TENM2: variants seen among roughly 807,000 people sequenced by gnomAD.
The protein encoded by TENM2 is teneurin-2.
A neutral mutation model predicts 245.2 loss-of-function variants in TENM2; 52 were observed. The observed-to-expected ratio is 0.21, with a 90% CI of 0.17 to 0.27. TENM2 has a LOEUF of 0.27. TENM2 is among the 10% of genes least tolerant of loss of function. The pLI is 1.00. For synonymous variants in TENM2, 1,363 were observed against 1,438.9 expected (o/e 0.95, Z 1.19); for missense variants, 3,046 against 3,666.8 (o/e 0.83, Z 4.37).
chr5:167,986,702 C>G (rs934690105), intron 4 of TENM2, among the ~76,000 whole-genome samples: 1 of 152,146 alleles, frequency 6.6e-6, no homozygotes, highest in East Asian at 1.9e-4. Flanking sequence ...CCTGGAGTCC[C>G]GAGCTGAGCT....
At chr5:167,802,132 C>G (rs1470997082) in intron 2 of TENM2, among the ~76,000 whole-genome samples, 1 of 152,028 alleles carries the variant, frequency 6.6e-6, no homozygotes, top group Non-Finnish European at 1.5e-5. Context: ...AGTCATTAAT[C>G]CATTCATGAG....
intron 8 of TENM2, among the ~76,000 whole-genome samples, chr5:168,097,519 G>A (rs529285016): frequency 2.0e-5 from 3 of 152,230 alleles, no homozygotes; most frequent in East Asian, 3.9e-4. Flanking sequence ...CTGCCTCCTG[G>A]GTTCAAGCTA....
At chr5:167,336,635 CA>C (rs1436728009) in intron 1 of TENM2, among the ~76,000 whole-genome samples, 1 of 151,928 alleles carries the variant, frequency 6.6e-6, no homozygotes, top group African/African-American at 2.4e-5. Context: ...ACTTAAATGC[CA>C]GCATATCAAA....
intron 17 of TENM2, among the ~76,000 whole-genome samples, chr5:168,202,808 A>G (rs1762041324): frequency 1.3e-5 from 2 of 152,102 alleles, no homozygotes. Context: ...GGTGACACAC[A>G]TAGTTAAGAG....
At chr5:167,735,432 A>C (rs549764406) in intron 2 of TENM2, among the ~76,000 whole-genome samples, 1 of 152,358 alleles carries the variant, frequency 6.6e-6, no homozygotes, top group East Asian at 1.9e-4. Context: ...AATAAATGTA[A>C]TTTGGTAAAC....
At chr5:167,654,072 G>A (rs528241097) in intron 2 of TENM2, 2 of 151,980 alleles carry the variant, frequency 1.3e-5, no homozygotes, top group East Asian at 1.9e-4. Flanking sequence ...TTCTGAGAGA[G>A]AAAACAAATA....
At chr5:167,980,085 C>T (rs972318981) in intron 4 of TENM2, among the ~76,000 whole-genome samples, 1 of 152,132 alleles carries the variant, frequency 6.6e-6, no homozygotes, top group African/African-American at 2.4e-5. Flanking sequence ...GGGCATTCTT[C>T]CAGGGGCTGG....
intron 2 of TENM2, among the ~76,000 whole-genome samples, chr5:167,447,693 C>A (rs146382998): frequency 6.6e-6 from 1 of 152,334 alleles, no homozygotes; most frequent in Non-Finnish European, 1.5e-5. Context: ...CCAAATGCTT[C>A]ATTTGAAGGT....
At chr5:167,468,216 C>T (rs890101250) in intron 2 of TENM2, among the ~76,000 whole-genome samples, 4 of 152,252 alleles carry the variant, frequency 2.6e-5, no homozygotes, top group South Asian at 2.1e-4. Context: ...GGATTACAGG[C>T]GTGAGCCACC....
intron 2 of TENM2, among the ~76,000 whole-genome samples, chr5:167,805,568 C>G (rs1362436507): frequency 6.6e-6 from 1 of 152,140 alleles, no homozygotes; most frequent in East Asian, 1.9e-4. Context: ...TGTAGCTTCC[C>G]TGAGGTCAAC....
intron 9 of TENM2, among the ~76,000 whole-genome samples, chr5:168,115,359 G>GGGAAGGAA (rs55973990): frequency 0.069 from 4,911 of 71,494 alleles, 260 homozygotes; most frequent in Middle Eastern, 0.11. Flanking sequence ...AGGGAAGGAA[G>GGGAAGGAA]GGAAGGAAGG....
At chr5:167,929,069 GAAAGAAAGAAAGAA>G in intron 3 of TENM2, among the ~76,000 whole-genome samples, 1 of 18,836 alleles carries the variant, frequency 5.3e-5, no homozygotes, top group Non-Finnish European at 9.6e-5. Context: ...GAGAAAGAAA[GAAAGAAAGAAAGAA>G]AGAAAGAAAG....
At chr5:168,190,788 C>T (rs2152510559) in intron 14 of TENM2, 2 of 380,626 alleles carry the variant, frequency 5.3e-6, no homozygotes, top group South Asian at 7.3e-5. Flanking sequence ...GCTGGAGACA[C>T]CTGTTGATTC....
intron 3 of TENM2, chr5:167,934,851 G>A (rs1778571519): frequency 2.0e-6 from 2 of 985,544 alleles, no homozygotes; most frequent in Non-Finnish European, 2.4e-6. Context: ...CCAGTGCAAC[G>A]GAGGAGGCTT....
intron 3 of TENM2, among the ~76,000 whole-genome samples, chr5:167,894,991 A>AAGGG (rs1775092106): frequency 9.6e-6 from 1 of 104,066 alleles, no homozygotes; most frequent in Non-Finnish European, 1.8e-5. Flanking sequence ...GGAAGGAAGG[A>AAGGG]GGGAAGGAAG....
At chr5:168,113,043 G>T (rs1023464177) in intron 9 of TENM2, among the ~76,000 whole-genome samples, 13 of 152,204 alleles carry the variant, frequency 8.5e-5, no homozygotes, top group Non-Finnish European at 1.5e-4. Context: ...TCAGCTGGGT[G>T]TAGTGGCTCA....
chr5:166,986,904 AGAG>A, the TENM2 span, among the ~76,000 whole-genome samples: 1 of 87,466 alleles, frequency 1.1e-5, no homozygotes, highest in Non-Finnish European at 2.6e-5. Context: ...AGAAAATATT[AGAG>A]AAGAGCATTT....
intron 2 of TENM2, among the ~76,000 whole-genome samples, chr5:167,629,553 A>T (rs889941050): frequency 9.2e-5 from 14 of 152,282 alleles, no homozygotes; most frequent in Non-Finnish European, 1.8e-4. Context: ...TTCATAGAAA[A>T]TCCAGGACTG....
At chr5:167,042,840 G>T in the TENM2 span, among the ~76,000 whole-genome samples, 1 of 152,092 alleles carries the variant, frequency 6.6e-6, no homozygotes. Flanking sequence ...CCTTATTTTT[G>T]AATGTTAGCC....
Sources: allele counts gnomAD v4.1 joint callset (sites outside exome capture counted in the v4.1 genomes callset), GRCh38; gene constraint gnomAD v4.1.1; transcripts MANE v1.5; gene names NCBI Gene and HGNC (gene_info 2026-07-23, HGNC 2026-07-21).